KLF8: variants seen among roughly 807,000 people sequenced by gnomAD.
KLF8 encodes the protein KLF transcription factor 8, also known as Krueppel-like factor 8.
A neutral mutation model predicts 18.2 loss-of-function variants in KLF8; 10 were observed. That is an observed-to-expected ratio of 0.55 (90% CI 0.34 to 0.93). The LOEUF is 0.93. Ranked by LOEUF, KLF8 falls within the 40% of genes least tolerant of loss-of-function variation. The pLI, the probability that KLF8 is intolerant of heterozygous loss-of-function variation, is 0.02. For missense variants in KLF8, 264 were observed against 277.9 expected, an observed-to-expected ratio of 0.95 and a Z score of 0.36; for synonymous variants, 109 against 97.3, an observed-to-expected ratio of 1.12 and a Z score of -0.71.
At chrX:56,081,817 G>C in the KLF8 span, among the ~76,000 whole-genome samples, 7 of 111,801 alleles carry the variant, frequency 6.3e-5, no homozygotes, top group Non-Finnish European at 1.3e-4. Flanking sequence ...TCACTTCTTT[G>C]TTGTTGTATA....
chrX:55,939,007 G>C, the KLF8 span, among the ~76,000 whole-genome samples: 1 of 111,849 alleles, frequency 8.9e-6, no homozygotes, highest in African/African-American at 3.3e-5. Context: ...AATGAACTCA[G>C]CTCTGCACCA....
the KLF8 span, among the ~76,000 whole-genome samples, chrX:55,925,680 A>G: frequency 8.1e-5 from 9 of 111,626 alleles, no homozygotes; most frequent in Non-Finnish European, 1.5e-4. Flanking sequence ...ATTAGAGTGG[A>G]CAAGATGGTT....
chrX:56,017,862 G>A, the KLF8 span, among the ~76,000 whole-genome samples: 347 of 111,561 alleles, frequency 3.1e-3, 2 homozygotes, highest in Admixed American at 8.8e-3. Context: ...CTCCCAAATA[G>A]CATTTGAAGT....
chrX:56,193,590 T>C, the KLF8 span, among the ~76,000 whole-genome samples: 1 of 112,223 alleles, frequency 8.9e-6, no homozygotes, highest in Non-Finnish European at 1.9e-5. Context: ...AACAAATGAA[T>C]GGATAAAGAA....
At chrX:56,055,156 G>A in the KLF8 span, among the ~76,000 whole-genome samples, 91 of 111,751 alleles carry the variant, frequency 8.1e-4, no homozygotes, top group African/African-American at 2.7e-3. Flanking sequence ...TGTTTATGTA[G>A]TTGCTTTATA....
At chrX:56,248,974 A>G (rs1341893274) in intron 1 of KLF8, among the ~76,000 whole-genome samples, 1 of 111,965 alleles carries the variant, frequency 8.9e-6, no homozygotes, top group Non-Finnish European at 1.9e-5. Context: ...CCTACCATGT[A>G]CCAGGCAATG....
chrX:56,193,895 C>T, the KLF8 span, among the ~76,000 whole-genome samples: 1 of 111,725 alleles, frequency 9.0e-6, no homozygotes, highest in African/African-American at 3.3e-5. Context: ...ATTGGACCTA[C>T]TACTTGCTAG....
the KLF8 span, among the ~76,000 whole-genome samples, chrX:55,921,910 A>T: frequency 8.9e-6 from 1 of 112,491 alleles, no homozygotes; most frequent in African/African-American, 3.2e-5. Context: ...CAAAATCACA[A>T]TGAGATAACA....
chrX:56,243,389 C>T, intron 1 of KLF8: 1 of 276,326 alleles, frequency 3.6e-6, no homozygotes, highest in Non-Finnish European at 6.7e-6. Context: ...CAGGAGCTTC[C>T]TTCTTCCCTT....
At chrX:56,021,188 A>T in the KLF8 span, among the ~76,000 whole-genome samples, 1 of 112,185 alleles carries the variant, frequency 8.9e-6, no homozygotes, top group Non-Finnish European at 1.9e-5. Context: ...ATTTGTATGA[A>T]TGAAACCATA....
the KLF8 span, among the ~76,000 whole-genome samples, chrX:56,058,279 CATATATATATATATAT>C: frequency 2.1e-3 from 15 of 7,313 alleles, 1 homozygote; most frequent in Admixed American, 7.2e-3. Context: ...CATATATATA[CATATATATATATATAT>C]ATATATATAT....
the KLF8 span, among the ~76,000 whole-genome samples, chrX:56,213,294 C>G: frequency 8.4e-3 from 237 of 28,149 alleles, 3 homozygotes; most frequent in African/African-American, 0.03. Flanking sequence ...CTTTTCTTTT[C>G]TTTTCTTTTC....
the KLF8 span, among the ~76,000 whole-genome samples, chrX:55,949,478 A>G: frequency 9.1e-6 from 1 of 110,213 alleles, no homozygotes; most frequent in African/African-American, 3.3e-5. Flanking sequence ...TATTTGGTTT[A>G]TTTGGTTTAG....
chrX:56,092,423 TTA>T, the KLF8 span, among the ~76,000 whole-genome samples: 1 of 111,701 alleles, frequency 9.0e-6, no homozygotes, highest in Non-Finnish European at 1.9e-5. Flanking sequence ...CCTAATATTT[TTA>T]TAGTTTTGGG....
chrX:56,088,565 T>C, the KLF8 span, among the ~76,000 whole-genome samples: 6 of 111,839 alleles, frequency 5.4e-5, no homozygotes, highest in Non-Finnish European at 7.5e-5. Flanking sequence ...TTTCATCACA[T>C]ACTTTCCTTT....
the KLF8 span, among the ~76,000 whole-genome samples, chrX:56,182,694 G>T: frequency 8.9e-6 from 1 of 112,754 alleles, no homozygotes; most frequent in Admixed American, 9.4e-5. Context: ...TAACAGTCAG[G>T]ATTCTCAGCT....
the KLF8 span, among the ~76,000 whole-genome samples, chrX:56,200,231 A>T: frequency 3.6e-5 from 4 of 110,904 alleles, no homozygotes; most frequent in Admixed American, 9.7e-5. Flanking sequence ...TAAAGTATTT[A>T]AAAAAGTCTC....
At chrX:55,989,672 G>C in the KLF8 span, among the ~76,000 whole-genome samples, 1 of 107,611 alleles carries the variant, frequency 9.3e-6, no homozygotes, top group Non-Finnish European at 1.9e-5. Flanking sequence ...TCTTTTTTTT[G>C]TTGTATCTCT....
chrX:56,009,730 T>C, the KLF8 span, among the ~76,000 whole-genome samples: 3 of 112,123 alleles, frequency 2.7e-5, no homozygotes, highest in African/African-American at 9.7e-5. Context: ...TTACAGGAGC[T>C]GTTAACCAGA....
Sources: gnomAD v4.1 joint callset for allele counts (sites outside exome capture counted in the v4.1 genomes callset) on GRCh38, gnomAD v4.1.1 for gene constraint, MANE v1.5 for transcripts, NCBI Gene and HGNC (gene_info 2026-07-23, HGNC 2026-07-21) for gene names.